Variants in KCNIP4 observed in about 807,000 individuals in gnomAD.
The protein encoded by KCNIP4 is potassium voltage-gated channel interacting protein 4.
A neutral mutation model predicts 34.0 loss-of-function variants in KCNIP4; 12 were observed. The ratio of observed to expected loss-of-function variants is 0.35; its 90% CI spans 0.23 to 0.57. KCNIP4 has a LOEUF of 0.57. Ranked by LOEUF, KCNIP4 falls within the 20% of genes least tolerant of loss-of-function variation. The pLI is 0.83. For missense variants in KCNIP4, 238 were observed against 311.7 expected (o/e 0.76, Z 1.78); for synonymous variants, 124 against 102.2 (o/e 1.21, Z -1.29).
At chr4:21,871,621 A>C (rs898754337) in intron 1 of KCNIP4, among the ~76,000 whole-genome samples, 7 of 151,966 alleles carry the variant, frequency 4.6e-5, no homozygotes, top group Non-Finnish European at 1.0e-4. Context: ...ATTCCTCTCA[A>C]GTTGCTTTTG....
At chr4:21,237,005 T>C (rs1398705129) in intron 1 of KCNIP4, among the ~76,000 whole-genome samples, 1 of 139,364 alleles carries the variant, frequency 7.2e-6, no homozygotes, top group African/African-American at 3.0e-5. Flanking sequence ...GACTCCATCA[T>C]GGAAAAAAAA....
chr4:21,143,632 C>T (rs1752135945), intron 1 of KCNIP4, among the ~76,000 whole-genome samples: 1 of 152,140 alleles, frequency 6.6e-6, no homozygotes, highest in African/African-American at 2.4e-5. Context: ...TTATTTGTTA[C>T]ACTGTAATAG....
At chr4:20,752,486 C>G (rs1351934176) in intron 4 of KCNIP4, 1 of 152,204 alleles carries the variant, frequency 6.6e-6, no homozygotes, top group East Asian at 1.9e-4. Flanking sequence ...ACTTTTATTT[C>G]AACTACCTTA....
chr4:21,139,383 C>A lies in KCNIP4; in HGVS notation c.62-256674G>T, dbSNP rs934010838. Among the ~76,000 whole-genome samples the A allele has an allele frequency of 2.6e-5, 4 of 152,290 alleles. No homozygotes were observed. In the East Asian group the frequency reaches 7.7e-4, roughly 29 times the overall value. ...TACTTCAGGTAAAATGGGAAGAATGCCAACATGTTTTTGAGCATGTACTAG... is the reference window on the plus strand; with the variant it reads ...TACTTCAGGTAAAATGGGAAGAATGACAACATGTTTTTGAGCATGTACTAG... On this transcript the variant is annotated intron_variant, in intron 1 of 8. Coordinates refer to ENST00000382152, the MANE Select transcript of KCNIP4 (RefSeq NM_025221.6).
intron 1 of KCNIP4, among the ~76,000 whole-genome samples, chr4:21,692,749 C>T (rs1019165350): frequency 1.6e-4 from 24 of 149,604 alleles, no homozygotes; most frequent in Non-Finnish European, 2.2e-4. Flanking sequence ...TCAGAGCATG[C>T]GGGCCAAGAG....
At chr4:21,484,925 T>C (rs1731779915) in intron 1 of KCNIP4, among the ~76,000 whole-genome samples, 1 of 152,332 alleles carries the variant, frequency 6.6e-6, no homozygotes, top group East Asian at 1.9e-4. Flanking sequence ...TTTCCCAGCA[T>C]AGGTCACACA....
At chr4:21,868,968 T>C (rs1286266263) in intron 1 of KCNIP4, among the ~76,000 whole-genome samples, 1 of 152,176 alleles carries the variant, frequency 6.6e-6, no homozygotes, top group African/African-American at 2.4e-5. Flanking sequence ...GGAAAACCAG[T>C]AGAAGTTCCA....
chr4:21,375,480 C>T (rs2109454405), intron 1 of KCNIP4, among the ~76,000 whole-genome samples: 1 of 152,150 alleles, frequency 6.6e-6, no homozygotes, highest in Middle Eastern at 3.4e-3. Flanking sequence ...AAATATATGT[C>T]AAATGCATAG....
chr4:21,262,187 A>G (rs921522802), intron 1 of KCNIP4, among the ~76,000 whole-genome samples: 1 of 152,020 alleles, frequency 6.6e-6, no homozygotes, highest in African/African-American at 2.4e-5. Context: ...TCTACACAAG[A>G]GTGGATCCTG....
intron 1 of KCNIP4, among the ~76,000 whole-genome samples, chr4:21,008,017 C>A (rs1192647318): frequency 6.6e-6 from 1 of 152,122 alleles, no homozygotes; most frequent in African/African-American, 2.4e-5. Context: ...AAATGTCCCC[C>A]CTGTCTGGGA....
chr4:21,034,822 A>G (rs10000350), intron 1 of KCNIP4, among the ~76,000 whole-genome samples: 3,767 of 152,312 alleles, frequency 0.025, 148 homozygotes, highest in African/African-American at 0.085. Context: ...TTTTGCTTGA[A>G]TGACAGCTCT....
At chr4:21,167,882 T>C (rs1753748434) in intron 1 of KCNIP4, among the ~76,000 whole-genome samples, 1 of 152,166 alleles carries the variant, frequency 6.6e-6, no homozygotes, top group African/African-American at 2.4e-5. Flanking sequence ...TTATTTTCTT[T>C]TGTGAACAGG....
chr4:21,698,681 T>C (rs570155987), intron 1 of KCNIP4, among the ~76,000 whole-genome samples: 77 of 152,312 alleles, frequency 5.1e-4, no homozygotes, highest in African/African-American at 1.7e-3. Context: ...TGAATAAATA[T>C]AAATATTATA....
intron 1 of KCNIP4, among the ~76,000 whole-genome samples, chr4:21,739,912 A>G (rs77067260): frequency 0.04 from 6,137 of 152,208 alleles, 156 homozygotes; most frequent in South Asian, 0.071. Flanking sequence ...AAAATATGGT[A>G]TCTACAAGGA....
At position 21,554,658 on chromosome 4, in the gene KCNIP4, C is replaced by A. The variant is rs1473903695; in HGVS notation, c.61+393913G>T. 1.3e-5 allele frequency among the ~76,000 whole-genome samples: 2 copies of A among 152,056 alleles called. 1 individual carries two copies. Among genetic ancestry groups the A allele is most frequent in the Non-Finnish European group, 2.9e-5 (2 of 67,990 alleles). On this transcript the variant is annotated intron_variant, in intron 1 of 8. Transcript: ENST00000382152. ...CTGCATGCCCTTCCCCAGTGTGCCCCCTCACTCTGCTGTGGCTTGTCCCTG... is the reference window on the plus strand; with the variant it reads ...CTGCATGCCCTTCCCCAGTGTGCCCACTCACTCTGCTGTGGCTTGTCCCTG...
chr4:20,951,654 T>C (rs953619717), intron 1 of KCNIP4, among the ~76,000 whole-genome samples: 2 of 152,226 alleles, frequency 1.3e-5, no homozygotes, highest in Non-Finnish European at 2.9e-5. Context: ...GAAATGTTTC[T>C]GTACAATTGA....
At chr4:20,744,244 C>T (rs1385640609) in intron 5 of KCNIP4, among the ~76,000 whole-genome samples, 7 of 152,332 alleles carry the variant, frequency 4.6e-5, no homozygotes, top group South Asian at 2.1e-4. Context: ...TTTGACCCAG[C>T]AATCCCATTA....
intron 1 of KCNIP4, among the ~76,000 whole-genome samples, chr4:21,484,080 T>A (rs1184426206): frequency 6.6e-6 from 1 of 152,134 alleles, no homozygotes; most frequent in African/African-American, 2.4e-5. Flanking sequence ...TAAATTTGGA[T>A]AGCATTTATA....
At chr4:20,863,979 CATATGT>C (rs1472505210) in intron 2 of KCNIP4, among the ~76,000 whole-genome samples, 3 of 144,930 alleles carry the variant, frequency 2.1e-5, no homozygotes, top group African/African-American at 7.6e-5. Context: ...TACATATATA[CATATGT>C]ATAACTAGAT....
Sources: allele counts gnomAD v4.1 joint callset (sites outside exome capture counted in the v4.1 genomes callset), GRCh38; gene constraint gnomAD v4.1.1; transcripts MANE v1.5; gene names NCBI Gene and HGNC (gene_info 2026-07-23, HGNC 2026-07-21).